The following TRPC5OS variants were observed in gnomAD, a reference collection of about 807,000 sequenced individuals.
The protein encoded by TRPC5OS is putative uncharacterized protein TRPC5OS.
For synonymous variants in TRPC5OS, 30 were observed against 29.3 expected (o/e 1.02, Z -0.08); for missense variants, 64 against 79.3 (o/e 0.81, Z 0.73).
chrX:111,880,756 A>G (rs775058533), intron 1 of TRPC5OS, among the ~76,000 whole-genome samples: 1 of 112,479 alleles, frequency 8.9e-6, no homozygotes, highest in South Asian at 3.7e-4. Flanking sequence ...CAAGGTTGGA[A>G]CCAATTACCA....
At chrX:111,879,898 A>C (rs1045820028) in intron 1 of TRPC5OS, among the ~76,000 whole-genome samples, 23 of 108,334 alleles carry the variant, frequency 2.1e-4, no homozygotes, top group African/African-American at 8.3e-4. Context: ...GGATTTACTT[A>C]TCTAGTCAAG....
rs1021502729 is a variant in TRPC5OS at position 111,903,406 on chromosome X, T to C, written c.*1221T>C. 1.8e-5 allele frequency: 2 copies of C among 112,308 alleles called. No individual in the cohort carries two copies. Among genetic ancestry groups the C allele is most frequent in the Non-Finnish European group, 3.8e-5 (2 of 53,203 alleles). 9.3% of individuals were successfully genotyped at this position (112,308 alleles called of 1,213,427 possible). ...TGCGACGGTTTATGATGGAAAGCCA[T>C]GATATGGAGTTAGTTTCTAAACAGG... On this transcript the variant is annotated 3_prime_UTR_variant, in exon 4 of 4. Coordinates refer to ENST00000635763, the MANE Select transcript of TRPC5OS (RefSeq NM_001195578.2).
intron 1 of TRPC5OS, among the ~76,000 whole-genome samples, chrX:111,883,081 G>T (rs1376882652): frequency 6.6e-5 from 6 of 90,520 alleles, no homozygotes; most frequent in African/African-American, 2.8e-4. Flanking sequence ...GCAAGACTCT[G>T]TCTCAAAAAA....
intron 3 of TRPC5OS, among the ~76,000 whole-genome samples, chrX:111,898,278 GACAC>G (rs1289193152): frequency 4.7e-5 from 4 of 85,420 alleles, no homozygotes; most frequent in Non-Finnish European, 8.8e-5. Context: ...TATATATATA[GACAC>G]ACACGCGTGT....
In TRPC5OS at chrX:111,881,547, C is replaced by T. The variant is rs931654721; in HGVS notation, c.-546+5274C>T. ...CCTAGAAGAAGTTGCACAGACCATT[C>T]TGATTGGCAGAAATAAAAATATACT... On this transcript the variant is annotated intron_variant, in intron 1 of 3. Transcript: ENST00000635763. Among the ~76,000 whole-genome samples, 6 of 111,410 alleles carry T rather than the reference C, an allele frequency of 5.4e-5. No individual in the cohort carries two copies. In the Admixed American group the frequency reaches 5.8e-4, roughly 11 times the overall value.
At chrX:111,887,307 A>G (rs1457727038) in intron 1 of TRPC5OS, among the ~76,000 whole-genome samples, 1 of 112,317 alleles carries the variant, frequency 8.9e-6, no homozygotes, top group Non-Finnish European at 1.9e-5. Flanking sequence ...TCTTTCTTGG[A>G]GAGAGTGCCA....
chrX:111,898,398 G>A (rs1384311801), intron 3 of TRPC5OS, among the ~76,000 whole-genome samples: 1 of 108,932 alleles, frequency 9.2e-6, no homozygotes, highest in Admixed American at 9.8e-5. Flanking sequence ...TCTCTGGGTT[G>A]CCTGTTCATT....
At chrX:111,892,106 C>A (rs1924834694) in intron 1 of TRPC5OS, among the ~76,000 whole-genome samples, 1 of 112,003 alleles carries the variant, frequency 8.9e-6, no homozygotes, top group South Asian at 3.8e-4. Flanking sequence ...GGCAAGCTGG[C>A]ATTTGCCACA....
rs988541712 is a variant in TRPC5OS at position 111,896,457 on chromosome X, C to T, written c.-349C>T. ...AAAGTCTGCAAATTGTTTAATAGGCCGAGCCTTGATATCCGCATCCCTCTC... is the reference window on the plus strand; with the variant it reads ...AAAGTCTGCAAATTGTTTAATAGGCTGAGCCTTGATATCCGCATCCCTCTC... On this transcript the variant is annotated 5_prime_UTR_variant, in exon 3 of 4. Coordinates refer to ENST00000635763, the MANE Select transcript of TRPC5OS (RefSeq NM_001195578.2). The T allele has an allele frequency of 2.7e-5, 3 of 109,597 alleles. No individual in the cohort carries two copies. In the Admixed American group the frequency reaches 2.9e-4, roughly 11 times the overall value. 9.0% of individuals were successfully genotyped at this position (109,597 alleles called of 1,213,427 possible).
chrX:111,889,816 CTCTTG>C (rs759438990), intron 1 of TRPC5OS, among the ~76,000 whole-genome samples: 2 of 112,016 alleles, frequency 1.8e-5, no homozygotes, highest in South Asian at 7.5e-4. Flanking sequence ...AAACCACATA[CTCTTG>C]TCTTATTTTT....
Position 111,902,149 on chromosome X carries a change from A to C in TRPC5OS, c.300A>C (p.Thr100=). 1 of 1,145,989 alleles carries C rather than the reference A, an allele frequency of 8.7e-7. No homozygotes were observed. The highest frequency in any genetic ancestry group is 2.0e-5 in the South Asian group (1 of 50,247). 94.4% of individuals were successfully genotyped at this position (1,145,989 alleles called of 1,213,427 possible). A position where few individuals can be genotyped will look rare whatever the true frequency, so the allele number is the denominator to read the frequency against. The change falls in exon 4 of 4, where the codon ACA becomes ACC. Residue 100 remains threonine (T), a synonymous_variant. Transcript: ENST00000635763. ...ACATGGATAACTTATATGAAGATAC[A>C]GTCTCTGGTATAAATGATGACTTAA... ...MLDMDNLYED[T]VSGINDDLTG... is the part of the protein sequence containing the mutation.
At chrX:111,889,365 T>C (rs758677776) in intron 1 of TRPC5OS, among the ~76,000 whole-genome samples, 3 of 112,333 alleles carry the variant, frequency 2.7e-5, no homozygotes, top group Non-Finnish European at 5.6e-5. Context: ...ATATCAGTCA[T>C]AAGAGATGAG....
At chrX:111,881,678 C>A (rs1372750413) in intron 1 of TRPC5OS, among the ~76,000 whole-genome samples, 1 of 110,559 alleles carries the variant, frequency 9.0e-6, no homozygotes, top group East Asian at 2.8e-4. Context: ...TGCAAAGGGA[C>A]TATAAGCAGT....
chrX:111,898,010 G>A (rs752980981), intron 3 of TRPC5OS, among the ~76,000 whole-genome samples: 1 of 110,344 alleles, frequency 9.1e-6, no homozygotes, highest in African/African-American at 3.3e-5. Context: ...AAATGTGTGT[G>A]AGAATTCTGG....
At chrX:111,878,068 C>A (rs1212656928) in intron 1 of TRPC5OS, among the ~76,000 whole-genome samples, 1 of 110,768 alleles carries the variant, frequency 9.0e-6, no homozygotes, top group Non-Finnish European at 1.9e-5. Flanking sequence ...CATCTTTCTG[C>A]CAGCAGTGAG....
intron 1 of TRPC5OS, among the ~76,000 whole-genome samples, chrX:111,893,801 T>C (rs1924927712): frequency 8.9e-6 from 1 of 112,236 alleles, no homozygotes; most frequent in Non-Finnish European, 1.9e-5. Flanking sequence ...GCAAATGCTG[T>C]ATTGCACACA....
At chrX:111,885,561 A>AAC (rs1222989936) in intron 1 of TRPC5OS, among the ~76,000 whole-genome samples, 1 of 110,296 alleles carries the variant, frequency 9.1e-6, no homozygotes, top group East Asian at 2.8e-4. Flanking sequence ...TTTTTTTAAA[A>AAC]AAAGAAAACT....
rs779120205 is a variant in TRPC5OS at position 111,903,832 on chromosome X, G to T, written c.*1647G>T. ...TCCCTATTTGTTTGGGTTAAAATAT[G>T]TGGGGAGTTGTGCCTATATAAATTC... On this transcript the variant is annotated 3_prime_UTR_variant, in exon 4 of 4. Transcript: ENST00000635763. The T allele has an allele frequency of 8.9e-6, 1 of 112,217 alleles. No individual in the cohort carries two copies. Among genetic ancestry groups the T allele is most frequent in the Non-Finnish European group, 1.9e-5 (1 of 53,242 alleles). The allele number at this position is 112,217 out of a possible 1,213,427, so 9.2% of individuals were successfully genotyped here.
chrX:111,888,210 G>A (rs929802949), intron 1 of TRPC5OS, among the ~76,000 whole-genome samples: 1 of 111,541 alleles, frequency 9.0e-6, no homozygotes, highest in Non-Finnish European at 1.9e-5. Flanking sequence ...GAACAGAGCA[G>A]GAGAGAGAAA....
Sources: allele counts gnomAD v4.1 joint callset (sites outside exome capture counted in the v4.1 genomes callset), GRCh38; gene constraint gnomAD v4.1.1; transcripts MANE v1.5; gene names NCBI Gene and HGNC (gene_info 2026-07-23, HGNC 2026-07-21).